The following TACC2 variants were observed in gnomAD, a reference collection of about 807,000 sequenced individuals.
TACC2 encodes the protein transforming acidic coiled-coil containing protein 2.
Under a neutral mutation model 227.3 loss-of-function variants are expected in TACC2, and 137 were observed. That is an observed-to-expected ratio of 0.60 (90% CI 0.52 to 0.69). TACC2 has a LOEUF of 0.69. Ranked by LOEUF, TACC2 falls within the 30% of genes least tolerant of loss-of-function variation. The pLI, the probability that TACC2 is intolerant of heterozygous loss-of-function variation, is 0.00. For missense variants in TACC2, 3,470 were observed against 3,694.4 expected, an observed-to-expected ratio of 0.94 and a Z score of 1.57; for synonymous variants, 1,523 against 1,487.5, an observed-to-expected ratio of 1.02 and a Z score of -0.55.
chr10:122,077,598 A>G (rs561952459), intron 3 of TACC2, among the ~76,000 whole-genome samples: 1 of 152,196 alleles, frequency 6.6e-6, no homozygotes, highest in Non-Finnish European at 1.5e-5. Context: ...AAGCGAAGCC[A>G]CAGTGGGGTG....
chr10:122,088,680 A>C, intron 5 of TACC2, 89 bp downstream of exon 5: 1 of 1,554,586 alleles, frequency 6.4e-7, no homozygotes, highest in East Asian at 2.4e-5. Flanking sequence ...AGTAGTCCTT[A>C]TACAGCATGA....
chr10:121,989,429 G>A lies in TACC2; in HGVS notation c.-105G>A, dbSNP rs553270419. On this transcript the variant is annotated 5_prime_UTR_variant, in exon 1 of 23. Coordinates refer to ENST00000369005, the MANE Select transcript of TACC2 (RefSeq NM_206862.4). ...GGGCGAATTTTTTCCTCTGAGGAGG[G>A]AAGAATAGAGTTGCTGCTGCAGACA... 1 of 152,388 alleles carries A rather than the reference G, an allele frequency of 6.6e-6. No individual in the cohort carries two copies. Among genetic ancestry groups the A allele is most frequent in the East Asian group, 1.9e-4 (1 of 5,186 alleles). The allele number at this position is 152,388 out of a possible 1,614,324, so 9.4% of individuals were successfully genotyped here.
At chr10:122,219,018 C>CCAAAAA (rs2095469225) in intron 11 of TACC2, among the ~76,000 whole-genome samples, 1 of 74,684 alleles carries the variant, frequency 1.3e-5, no homozygotes, top group Non-Finnish European at 2.6e-5. Flanking sequence ...AGACTCGTCT[C>CCAAAAA]AAAAAAAAAA....
intron 19 of TACC2, 137 bp from the exon 20 acceptor site, chr10:122,248,506 G>T: frequency 1.9e-6 from 2 of 1,031,318 alleles, no homozygotes; most frequent in Non-Finnish European, 2.9e-6. Flanking sequence ...TGGGGCGTGG[G>T]TTCGTCCCAA....
Position 122,204,416 on chromosome 10 carries a change from T to C in TACC2, c.5972-5981T>C, listed in dbSNP as rs1004195394. Among the ~76,000 whole-genome samples the C allele has an allele frequency of 3.3e-5, 5 of 152,130 alleles. No homozygotes were observed. The East Asian group carries it at 9.6e-4, about 29-fold the overall frequency. On this transcript the variant is annotated intron_variant, in intron 8 of 22. Coordinates refer to ENST00000369005, the MANE Select transcript of TACC2 (RefSeq NM_206862.4). ...GATGCTGGGGCTCTGCCTGGGGGAC[T>C]GTGGCCCCTTGGTCGGCAGCCCACC...
intron 19 of TACC2, 55 bp from the exon 20 acceptor site, chr10:122,248,588 G>C (rs1261437610): frequency 1.2e-6 from 2 of 1,606,130 alleles, no homozygotes; most frequent in Non-Finnish European, 1.7e-6. Flanking sequence ...TGGCCCCAGA[G>C]ACCCAGTTTG....
At chr10:122,118,307 G>A (rs1313298024) in intron 5 of TACC2, among the ~76,000 whole-genome samples, 2 of 152,054 alleles carry the variant, frequency 1.3e-5, no homozygotes, top group African/African-American at 2.4e-5. Context: ...GAGCCACCGC[G>A]CCCAGCCTGG....
intron 8 of TACC2, among the ~76,000 whole-genome samples, chr10:122,202,990 C>A (rs1315533800): frequency 1.3e-5 from 2 of 151,720 alleles, no homozygotes; most frequent in African/African-American, 4.9e-5. Flanking sequence ...GGTCACAGAT[C>A]AACAGGATCC....
intron 2 of TACC2, among the ~76,000 whole-genome samples, chr10:122,030,790 A>G (rs1462208016): frequency 6.6e-6 from 1 of 152,056 alleles, no homozygotes; most frequent in Non-Finnish European, 1.5e-5. Flanking sequence ...GTAGAGAAAC[A>G]AGTAGGAATG....
intron 3 of TACC2, among the ~76,000 whole-genome samples, chr10:122,058,831 A>T (rs539060663): frequency 6.6e-6 from 1 of 151,838 alleles, no homozygotes; most frequent in East Asian, 1.9e-4. Context: ...AACATTAAAC[A>T]CTGGGACATC....
At chr10:122,151,838 G>C (rs961195861) in intron 7 of TACC2, among the ~76,000 whole-genome samples, 1 of 152,216 alleles carries the variant, frequency 6.6e-6, no homozygotes, top group Non-Finnish European at 1.5e-5. Flanking sequence ...CGTTGATTGA[G>C]CATTTGCTCT....
chr10:122,068,995 C>A (rs938153888), intron 3 of TACC2, among the ~76,000 whole-genome samples: 3 of 124,656 alleles, frequency 2.4e-5, no homozygotes, highest in East Asian at 5.4e-4. Context: ...ACCGCGCGGG[C>A]CCAACCTTTC....
rs753197990 is a variant in TACC2, at chr10:122,086,697, C to T, written c.4197C>T (p.Ile1399=). The change falls in exon 4 of 23, where the codon ATC becomes ATT. Residue 1399 remains isoleucine (I), a synonymous_variant. Coordinates refer to ENST00000369005, the MANE Select transcript of TACC2 (RefSeq NM_206862.4). Reference sequence around the variant, plus strand: ...GTGTGGACACAAGCTCTGAGCAAATCGCCACCCTCACTGGCTTCCCAGACT... The same window carrying T: ...GTGTGGACACAAGCTCTGAGCAAATTGCCACCCTCACTGGCTTCCCAGACT... ...SGGVDTSSEQ[I]ATLTGFPDFR... is the part of the protein sequence containing the mutation. 3.3e-5 allele frequency: 54 copies of T among 1,613,622 alleles called. No homozygotes were observed. The highest frequency in any genetic ancestry group is 3.3e-4 in the Middle Eastern group (2 of 6,080).
intron 5 of TACC2, among the ~76,000 whole-genome samples, chr10:122,102,004 TG>T (rs2082221218): frequency 6.6e-6 from 1 of 152,084 alleles, no homozygotes; most frequent in African/African-American, 2.4e-5. Flanking sequence ...TGAAATGCAT[TG>T]TTGGGCGATT....
At position 122,087,418 on chromosome 10, in the gene TACC2, G is replaced by GT; in HGVS notation, c.4922dup (p.Leu1641PhefsTer5). ...GTGTGCCCCTTCTCCTCAGAGGGAG[G>GT]TTTTGACTGTGCCTGAGGCCAACAG... is the stretch of plus-strand genomic sequence containing the variant. On this transcript the variant is annotated frameshift_variant, in exon 4 of 23. Coordinates refer to ENST00000369005, the MANE Select transcript of TACC2 (RefSeq NM_206862.4). LOFTEE classifies it high-confidence loss of function. 6.2e-7 allele frequency: 1 copy of GT among 1,614,062 alleles called. No homozygotes were observed. The highest frequency in any genetic ancestry group is 1.1e-5 in the South Asian group (1 of 91,092).
At chr10:122,177,888 A>G (rs1258415801) in intron 7 of TACC2, among the ~76,000 whole-genome samples, 1 of 152,154 alleles carries the variant, frequency 6.6e-6, no homozygotes, top group African/African-American at 2.4e-5. Flanking sequence ...CATGCCTCTG[A>G]GAGGCCCCTG....
At chr10:122,183,890 C>T (rs978451437) in intron 7 of TACC2, among the ~76,000 whole-genome samples, 1 of 152,218 alleles carries the variant, frequency 6.6e-6, no homozygotes, top group African/African-American at 2.4e-5. Flanking sequence ...TTCTCATCCT[C>T]AGAACCCAGG....
intron 7 of TACC2, among the ~76,000 whole-genome samples, chr10:122,170,610 C>A (rs2093422158): frequency 1.3e-5 from 2 of 152,154 alleles, no homozygotes; most frequent in African/African-American, 4.8e-5. Flanking sequence ...CCATGATAAT[C>A]AAGTCTTATC....
Position 122,087,038 on chromosome 10 carries a change from G to A in TACC2, c.4538G>A (p.Gly1513Asp). The A allele has an allele frequency of 1.2e-6, 2 of 1,613,830 alleles. No homozygotes were observed. The highest frequency in any genetic ancestry group is 1.7e-6 in the Non-Finnish European group (2 of 1,180,000). The change falls in exon 4 of 23, where the codon GGT becomes GAT. Residue 1513 changes from glycine to aspartate, a missense_variant. Gly to Asp is a moderately conservative substitution (Grantham distance 94). Around this residue, in one of 10 missense-constraint regions of TACC2, gnomAD observed 1,924 missense variants for 1,978.3 expected, o/e 0.97. Transcript: ENST00000369005. ...TGGGAGCGGAACTTGCCAGGTGCCG[G>A]TGTGGGGAAGGAGATGGCAGGTGTC... Reference protein sequence around the residue: ...LTWERNLPGAGVGKEMAGVPP... With the variant: ...LTWERNLPGADVGKEMAGVPP...
Sources: gnomAD v4.1 joint callset for allele counts (sites outside exome capture counted in the v4.1 genomes callset) on GRCh38, gnomAD v4.1.1 for gene constraint, gnomAD v4.1.1 regional missense constraint, MANE v1.5 for transcripts, NCBI Gene and HGNC (gene_info 2026-07-23, HGNC 2026-07-21) for gene names.